Variants in LYST observed in about 807,000 individuals in gnomAD.
LYST encodes the protein lysosomal-trafficking regulator.
Under a neutral mutation model 413.6 loss-of-function variants are expected in LYST, and 192 were observed. That is an observed-to-expected ratio of 0.46 (90% CI 0.41 to 0.52). LYST has a LOEUF of 0.52. Ranked by LOEUF, LYST falls within the 20% of genes least tolerant of loss-of-function variation. LYST has a pLI of 0.00. For synonymous variants in LYST, 1,525 were observed against 1,567.3 expected (o/e 0.97, Z 0.64); for missense variants, 3,815 against 4,499.9 (o/e 0.85, Z 4.35).
chr1:235,868,084 T>A (rs901437181), upstream of LYST, among the ~76,000 whole-genome samples: 1 of 152,206 alleles, frequency 6.6e-6, no homozygotes, highest in Non-Finnish European at 1.5e-5. Flanking sequence ...ATATGTCTTC[T>A]CTGACGTCTG....
intron 12 of LYST, among the ~76,000 whole-genome samples, chr1:235,789,821 T>C (rs190814927): frequency 1.4e-3 from 219 of 152,308 alleles, no homozygotes; most frequent in Non-Finnish European, 1.8e-3. Flanking sequence ...TATGAACTTC[T>C]GCAAATAAAA....
chr1:235,705,644 C>T (rs529343008), intron 44 of LYST, among the ~76,000 whole-genome samples: 1 of 152,150 alleles, frequency 6.6e-6, no homozygotes, highest in Non-Finnish European at 1.5e-5. Flanking sequence ...CCTCAGTCTC[C>T]CAGAGCATTT....
intron 47 of LYST, among the ~76,000 whole-genome samples, chr1:235,691,669 T>G (rs1458604314): frequency 6.6e-6 from 1 of 150,640 alleles, no homozygotes; most frequent in Admixed American, 6.6e-5. Context: ...AGTTAGGAAG[T>G]CTGTAAGTAC....
chr1:235,821,227 A>G (rs969998540), intron 3 of LYST, among the ~76,000 whole-genome samples: 5 of 152,204 alleles, frequency 3.3e-5, no homozygotes, highest in Admixed American at 6.5e-5. Context: ...GCTTGAGCTC[A>G]GGAGCTTGAA....
intron 28 of LYST, among the ~76,000 whole-genome samples, chr1:235,749,490 T>C (rs546567411): frequency 6.6e-6 from 1 of 152,216 alleles, no homozygotes; most frequent in Non-Finnish European, 1.5e-5. Flanking sequence ...TGAGTAGATG[T>C]GGTGCAGGAC....
chr1:235,757,514 T>A, intron 23 of LYST, 56 bp from the exon 24 acceptor site: 1 of 1,299,442 alleles, frequency 7.7e-7, no homozygotes, highest in Non-Finnish European at 1.1e-6. Context: ...ACTTGATGAT[T>A]ACCTTAGGAA....
intron 48 of LYST, among the ~76,000 whole-genome samples, chr1:235,682,450 A>G (rs1659898267): frequency 6.6e-6 from 1 of 152,216 alleles, no homozygotes; most frequent in Non-Finnish European, 1.5e-5. Flanking sequence ...AATGAGAAGC[A>G]TGCTGTGCAG....
chr1:235,741,367 A>C, intron 31 of LYST, 55 bp downstream of exon 31: 1 of 1,374,300 alleles, frequency 7.3e-7, no homozygotes, highest in Non-Finnish European at 1.0e-6. Context: ...TGTTTTATTC[A>C]GACTTTGTAT....
chr1:235,786,546 T>C (rs1423200425), intron 14 of LYST, among the ~76,000 whole-genome samples: 1 of 152,206 alleles, frequency 6.6e-6, no homozygotes, highest in Non-Finnish European at 1.5e-5. Flanking sequence ...ATCCCATTAC[T>C]GGGTATATAC....
At chr1:235,859,175 A>C (rs1679571830) in intron 1 of LYST, among the ~76,000 whole-genome samples, 1 of 152,208 alleles carries the variant, frequency 6.6e-6, no homozygotes, top group Non-Finnish European at 1.5e-5. Flanking sequence ...ACAGGAAGAT[A>C]CATCATTCCT....
In LYST at chr1:235,737,917, G is replaced by GT; in HGVS notation, c.8359-3259dup. 5.2e-6 allele frequency: 6 copies of GT among 1,160,140 alleles called. No individual in the cohort carries two copies. In the Admixed American group the frequency reaches 1.3e-4, roughly 26 times the overall value. 71.9% of individuals were successfully genotyped at this position (1,160,140 alleles called of 1,614,324 possible). ...AAGGTGCTGGAGCCGCTGCCGACGA[G>GT]TCTGGATCTCACTGCCGCGTGCCCC... On this transcript the variant is annotated intron_variant, in intron 31 of 52. Transcript: ENST00000389793.
At chr1:235,765,371 T>C (rs1668034534) in intron 21 of LYST, among the ~76,000 whole-genome samples, 1 of 152,236 alleles carries the variant, frequency 6.6e-6, no homozygotes, top group Admixed American at 6.5e-5. Flanking sequence ...TTACTGCCCC[T>C]AGTTCCTTAT....
chr1:235,667,603 G>A (rs1363862310), intron 50 of LYST, among the ~76,000 whole-genome samples: 1 of 152,094 alleles, frequency 6.6e-6, no homozygotes, highest in African/African-American at 2.4e-5. Flanking sequence ...ATCCATGGAT[G>A]CTCAAGTCCT....
intron 2 of LYST, among the ~76,000 whole-genome samples, chr1:235,830,943 C>A (rs1675904514): frequency 6.6e-6 from 1 of 152,102 alleles, no homozygotes. Context: ...CGCCACTTCA[C>A]TTCTTATGAC....
rs1193975548 is a variant in LYST, at chr1:235,809,884, A to G, written c.934T>C (p.Ser312Pro). The G allele has an allele frequency of 6.2e-7, 1 of 1,614,066 alleles. No individual in the cohort carries two copies. ...ACCGGTTCTTCGGTCCAACCTGCAG[A>G]AACTACTCGACTCTCCAAGTTGTCG... ...LSDNLESRVVSAGWTEEPVAL... is the reference protein window; with the variant it reads ...LSDNLESRVVPAGWTEEPVAL... Residue 312 changes from serine to proline, a missense_variant, in exon 5 of 53, where the codon TCT (serine) becomes CCT (proline). By Grantham distance (74) the Ser-to-Pro change is moderately conservative. This residue lies in a region of LYST where 1,648 missense variants were observed against 1,810.3 expected (regional missense o/e 0.91). Coordinates refer to ENST00000389793, the MANE Select transcript of LYST (RefSeq NM_000081.4). The surrounding 1 kb of genome is among the most constrained non-coding windows in gnomAD (Gnocchi z 4.0).
intron 21 of LYST, among the ~76,000 whole-genome samples, chr1:235,764,299 A>G (rs1004187278): frequency 6.6e-6 from 1 of 151,894 alleles, no homozygotes; most frequent in African/African-American, 2.4e-5. Flanking sequence ...CTTTCCCTCA[A>G]CTAGGCTGTA....
intron 44 of LYST, among the ~76,000 whole-genome samples, chr1:235,708,359 G>A (rs966703998): frequency 2.0e-5 from 3 of 152,282 alleles, no homozygotes; most frequent in Admixed American, 6.5e-5. Flanking sequence ...AGTAGAACAT[G>A]TATGTAGGAT....
chr1:235,731,869 A>T (rs1043724342), intron 34 of LYST, among the ~76,000 whole-genome samples: 5 of 152,034 alleles, frequency 3.3e-5, no homozygotes. Context: ...CATTTTGCCT[A>T]CTCTCTAATG....
At chr1:235,790,955 C>T (rs1355697519) in intron 12 of LYST, among the ~76,000 whole-genome samples, 1 of 152,040 alleles carries the variant, frequency 6.6e-6, no homozygotes, top group Non-Finnish European at 1.5e-5. Flanking sequence ...TTGCGACCAG[C>T]CTGACCAACA....
Sources: allele counts gnomAD v4.1 joint callset (sites outside exome capture counted in the v4.1 genomes callset), GRCh38; gene constraint gnomAD v4.1.1; regional missense constraint gnomAD v4.1.1; non-coding constraint Gnocchi (gnomAD v3.1); transcripts MANE v1.5; gene names NCBI Gene and HGNC (gene_info 2026-07-23, HGNC 2026-07-21).